TTC6: variants seen among roughly 807,000 people sequenced by gnomAD.
The protein encoded by TTC6 is tetratricopeptide repeat domain 6.
Under a neutral mutation model 210.4 loss-of-function variants are expected in TTC6, and 172 were observed. The ratio of observed to expected loss-of-function variants is 0.82; its 90% CI spans 0.72 to 0.93. The LOEUF (loss-of-function observed/expected upper bound fraction) is 0.93. Ranked by LOEUF, TTC6 falls within the 40% of genes least tolerant of loss-of-function variation. TTC6 has a pLI of 0.00. For missense variants in TTC6, 2,414 were observed against 2,318.1 expected (o/e 1.04, Z -0.85); for synonymous variants, 804 against 819.6 (o/e 0.98, Z 0.32).
chr14:37,809,237 C>T (rs943650539), intron 24 of TTC6, among the ~76,000 whole-genome samples: 4 of 147,014 alleles, frequency 2.7e-5, no homozygotes, highest in Admixed American at 7.0e-5. Context: ...ATGTTTCTAC[C>T]ATATGCAGAA....
chr14:37,743,708 G>A (rs1177476905), intron 10 of TTC6, among the ~76,000 whole-genome samples: 2 of 152,178 alleles, frequency 1.3e-5, no homozygotes, highest in African/African-American at 4.8e-5. Context: ...TCTGGGATAT[G>A]TATAGCTTCA....
chr14:37,764,636 T>G (rs2095993252), intron 14 of TTC6, among the ~76,000 whole-genome samples: 2 of 152,192 alleles, frequency 1.3e-5, no homozygotes, highest in Non-Finnish European at 1.5e-5. Context: ...TTCCCATCCT[T>G]TCACTTTCAA....
At chr14:37,705,040 T>C (rs922309230) in intron 5 of TTC6, among the ~76,000 whole-genome samples, 1 of 152,136 alleles carries the variant, frequency 6.6e-6, no homozygotes, top group African/African-American at 2.4e-5. Context: ...ACTGCTTGTG[T>C]ATTTCCTTGA....
intron 1 of TTC6, among the ~76,000 whole-genome samples, chr14:37,637,554 G>C (rs551003293): frequency 4.6e-5 from 7 of 152,168 alleles, no homozygotes; most frequent in African/African-American, 1.7e-4. Context: ...AGGATCTCTC[G>C]AACCAAAGAG....
At chr14:37,729,337 A>G (rs1595163081) in intron 7 of TTC6, among the ~76,000 whole-genome samples, 2 of 152,240 alleles carry the variant, frequency 1.3e-5, no homozygotes, top group African/African-American at 2.4e-5. Context: ...ATTAATTTGC[A>G]TAAGTCAATA....
rs752343765 is a variant in TTC6 at position 37,714,718 on chromosome 14, G to A, written c.1635G>A (p.Pro545=). Residue 545 remains proline (P), a synonymous_variant, in exon 6 of 31, where the codon CCG becomes CCA. Transcript: ENST00000553443. ...AATATGTCCATATTCCTCCGACACC[G>A]CAAGGGATACCACCTGAATTGGCAC... The A allele has an allele frequency of 1.2e-4, 178 of 1,535,404 alleles. 1 individual carries two copies. Among genetic ancestry groups the A allele is most frequent in the South Asian group, 1.7e-4 (14 of 84,046 alleles).
intron 1 of TTC6, among the ~76,000 whole-genome samples, chr14:37,646,424 T>C (rs2095701826): frequency 6.6e-6 from 1 of 151,908 alleles, no homozygotes; most frequent in African/African-American, 2.4e-5. Flanking sequence ...AAAAAGACCT[T>C]GGAAGACATA....
At chr14:37,731,987 T>A (rs2095887418) in intron 7 of TTC6, among the ~76,000 whole-genome samples, 1 of 152,014 alleles carries the variant, frequency 6.6e-6, no homozygotes, top group African/African-American at 2.4e-5. Flanking sequence ...GTTGTAAAAG[T>A]TATATATAAT....
intron 29 of TTC6, among the ~76,000 whole-genome samples, chr14:37,831,789 T>C (rs1250271309): frequency 1.3e-5 from 2 of 152,126 alleles, no homozygotes; most frequent in African/African-American, 4.8e-5. Flanking sequence ...ATGAGATCTT[T>C]TTTGTTGCTG....
At chr14:37,761,236 C>T (rs1351663966) in intron 14 of TTC6, among the ~76,000 whole-genome samples, 1 of 151,898 alleles carries the variant, frequency 6.6e-6, no homozygotes, top group Admixed American at 6.6e-5. Context: ...CTCATGGCTT[C>T]CCTTGGTTGG....
intron 20 of TTC6, among the ~76,000 whole-genome samples, chr14:37,798,072 G>A (rs1015242759): frequency 6.6e-6 from 1 of 152,042 alleles, no homozygotes; most frequent in African/African-American, 2.4e-5. Flanking sequence ...TGAAATTATT[G>A]ATAACTGGTG....
chr14:37,705,144 G>A (rs998552393), intron 5 of TTC6, among the ~76,000 whole-genome samples: 4 of 152,020 alleles, frequency 2.6e-5, no homozygotes, highest in Non-Finnish European at 1.5e-5. Context: ...CAGCTCCTGC[G>A]CAGTGAGCAA....
intron 1 of TTC6, among the ~76,000 whole-genome samples, chr14:37,647,485 T>C (rs529734531): frequency 6.6e-6 from 1 of 152,242 alleles, no homozygotes; most frequent in Non-Finnish European, 1.5e-5. Context: ...AGAAGAAAAG[T>C]CAAGGATGAC....
At chr14:37,713,012 C>T (rs1181245065) in intron 5 of TTC6, among the ~76,000 whole-genome samples, 1 of 152,092 alleles carries the variant, frequency 6.6e-6, no homozygotes, top group Non-Finnish European at 1.5e-5. Flanking sequence ...TGCTGCTGTT[C>T]CTGACACAGG....
intron 8 of TTC6, 33 bp from the exon 11 acceptor site, chr14:37,737,627 C>G (rs1472703745): frequency 8.1e-7 from 1 of 1,238,780 alleles, no homozygotes; most frequent in Non-Finnish European, 1.1e-6. Flanking sequence ...GTATCTGTGA[C>G]TAATGTATAT....
intron 1 of TTC6, among the ~76,000 whole-genome samples, chr14:37,633,356 G>T (rs553826882): frequency 6.6e-6 from 1 of 152,300 alleles, no homozygotes; most frequent in Non-Finnish European, 1.5e-5. Context: ...AGTCCCTCAC[G>T]GCTTCCCTTG....
chr14:37,779,348 A>G (rs570685911), intron 14 of TTC6, among the ~76,000 whole-genome samples: 1 of 147,822 alleles, frequency 6.8e-6, no homozygotes, highest in African/African-American at 2.5e-5. Flanking sequence ...CCTGTCTGTG[A>G]CTAGTTGGCC....
At chr14:37,818,835 A>G (rs2139469275) in intron 26 of TTC6, among the ~76,000 whole-genome samples, 1 of 152,272 alleles carries the variant, frequency 6.6e-6, no homozygotes, top group Non-Finnish European at 1.5e-5. Context: ...GTCATTCTTA[A>G]GAGATGGAAT....
intron 6 of TTC6, chr14:37,720,638 A>C (rs931516924): frequency 3.3e-5 from 5 of 152,030 alleles, no homozygotes; most frequent in African/African-American, 1.2e-4. Context: ...TGGTACATCC[A>C]CAGATGGAAT....
Sources: gnomAD v4.1 joint callset for allele counts (sites outside exome capture counted in the v4.1 genomes callset) on GRCh38, gnomAD v4.1.1 for gene constraint, MANE v1.5 for transcripts, NCBI Gene and HGNC (gene_info 2026-07-23, HGNC 2026-07-21) for gene names.